Variants in CDH13 observed in about 807,000 individuals in gnomAD.
CDH13 encodes cadherin-13.
Under a neutral mutation model 63.8 loss-of-function variants are expected in CDH13, and 24 were observed. The observed-to-expected ratio is 0.38, with a 90% confidence interval of 0.27 to 0.53. The LOEUF (loss-of-function observed/expected upper bound fraction) is 0.53, where lower values mean the gene tolerates loss of function less well. Among genes scored for constraint, CDH13 ranks in the 20% least tolerant of loss-of-function variants. The probability of loss-of-function intolerance (pLI) is 0.85; values close to 1 mark genes in which losing one functional copy is unlikely to be tolerated. For missense variants in CDH13, 1,049 were observed against 903.1 expected, an observed-to-expected ratio of 1.16 and a Z score of -2.07; for synonymous variants, 503 against 355.3, an observed-to-expected ratio of 1.42 and a Z score of -4.67.
intron 6 of CDH13, among the ~76,000 whole-genome samples, chr16:83,458,797 G>A (rs540595404): frequency 1.3e-4 from 20 of 152,226 alleles, no homozygotes; most frequent in African/African-American, 4.6e-4. Flanking sequence ...TCTGCTGATC[G>A]TGGGCCACAG....
intron 5 of CDH13, among the ~76,000 whole-genome samples, chr16:83,300,658 C>G (rs919872516): frequency 6.6e-6 from 1 of 152,168 alleles, no homozygotes; most frequent in Admixed American, 6.5e-5. Context: ...AGTATCTTGT[C>G]AAGATGAGAC....
chr16:83,367,165 C>T (rs965785797), intron 6 of CDH13, among the ~76,000 whole-genome samples: 10 of 152,148 alleles, frequency 6.6e-5, no homozygotes, highest in African/African-American at 2.4e-4. Flanking sequence ...ACCAATGATC[C>T]ACTTTCTACC....
intron 6 of CDH13, among the ~76,000 whole-genome samples, chr16:83,468,551 A>G (rs1009755104): frequency 3.9e-5 from 6 of 152,192 alleles, no homozygotes; most frequent in Non-Finnish European, 8.8e-5. Flanking sequence ...AGGGTGAGCC[A>G]TTTGCATTAG....
At chr16:83,533,618 CTTTTTTTTT>C in intron 7 of CDH13, among the ~76,000 whole-genome samples, 1 of 116,090 alleles carries the variant, frequency 8.6e-6, no homozygotes, top group African/African-American at 3.5e-5. Flanking sequence ...TTTACATTAT[CTTTTTTTTT>C]TTTTTTTTTT....
chr16:82,747,074 A>T (rs1597462825), intron 1 of CDH13, among the ~76,000 whole-genome samples: 1 of 152,372 alleles, frequency 6.6e-6, no homozygotes, highest in South Asian at 2.1e-4. Context: ...ACAAACAAGT[A>T]GAAAATATGC....
At chr16:83,444,451 A>T (rs2072604808) in intron 6 of CDH13, among the ~76,000 whole-genome samples, 1 of 152,218 alleles carries the variant, frequency 6.6e-6, no homozygotes. Flanking sequence ...ATTTTGCTAT[A>T]CATTAGAATC....
chr16:83,072,102 C>G (rs1403852597), intron 3 of CDH13, among the ~76,000 whole-genome samples: 1 of 152,050 alleles, frequency 6.6e-6, no homozygotes, highest in Non-Finnish European at 1.5e-5. Context: ...AACATTTAGT[C>G]AAGTCGAAAA....
chr16:82,744,063 G>A (rs2034053126), intron 1 of CDH13, among the ~76,000 whole-genome samples: 1 of 152,144 alleles, frequency 6.6e-6, no homozygotes, highest in South Asian at 2.1e-4. Context: ...TCTTAATGGA[G>A]AGATTAAAGA....
intron 4 of CDH13, among the ~76,000 whole-genome samples, chr16:83,191,082 C>G (rs1414842556): frequency 6.6e-6 from 1 of 151,288 alleles, no homozygotes; most frequent in Non-Finnish European, 1.5e-5. Context: ...GAAAGGCTTA[C>G]ATATTACTTG....
At chr16:82,858,307 A>T (rs937832204) in intron 1 of CDH13, 55 bp from the exon 2 acceptor site, 2 of 1,203,490 alleles carry the variant, frequency 1.7e-6, no homozygotes, top group African/African-American at 3.0e-5. Context: ...GGCGAAAGTT[A>T]GCAGGGCAAA....
intron 8 of CDH13, among the ~76,000 whole-genome samples, chr16:83,658,575 C>G (rs1348623914): frequency 3.4e-5 from 5 of 146,936 alleles, no homozygotes; most frequent in Non-Finnish European, 3.0e-5. Context: ...GGTCCCATGT[C>G]CTCACCAGCA....
At chr16:82,642,820 C>G (rs1296768303) in intron 1 of CDH13, among the ~76,000 whole-genome samples, 2 of 152,174 alleles carry the variant, frequency 1.3e-5, no homozygotes, top group African/African-American at 2.4e-5. Flanking sequence ...CATAGTGACT[C>G]TATAAAATAT....
At chr16:83,691,152 C>G (rs1904839403) in intron 10 of CDH13, among the ~76,000 whole-genome samples, 1 of 151,144 alleles carries the variant, frequency 6.6e-6, no homozygotes, top group South Asian at 2.1e-4. Context: ...AAGATTGACT[C>G]CAAGATTTTT....
intron 3 of CDH13, among the ~76,000 whole-genome samples, chr16:83,123,431 C>A (rs1567852482): frequency 6.6e-6 from 1 of 152,036 alleles, no homozygotes; most frequent in Admixed American, 6.6e-5. Flanking sequence ...AGGCATGCAC[C>A]ACCATGCCCG....
intron 1 of CDH13, among the ~76,000 whole-genome samples, chr16:82,815,900 A>G (rs1380406542): frequency 6.6e-6 from 1 of 152,212 alleles, no homozygotes; most frequent in Non-Finnish European, 1.5e-5. Flanking sequence ...GGGGAAACGG[A>G]AAATGTCATT....
At chr16:83,410,401 G>C (rs964932814) in intron 6 of CDH13, among the ~76,000 whole-genome samples, 1 of 152,058 alleles carries the variant, frequency 6.6e-6, no homozygotes, top group Non-Finnish European at 1.5e-5. Flanking sequence ...AGAAAATAAA[G>C]CAAATATGAA....
intron 1 of CDH13, among the ~76,000 whole-genome samples, chr16:82,780,052 G>A (rs1021104375): frequency 4.6e-5 from 7 of 152,040 alleles, no homozygotes; most frequent in African/African-American, 1.2e-4. Context: ...AGGTGATTTC[G>A]CCAAACAAAA....
chr16:83,077,158 CTTTCT>C (rs201356530), intron 3 of CDH13, among the ~76,000 whole-genome samples: 1,428 of 96,180 alleles, frequency 0.015, 15 homozygotes, highest in African/African-American at 0.022. Context: ...TTTTCTTTTT[CTTTCT>C]TTTCTTTTCT....
chr16:83,294,920 C>T (rs1162562833), intron 5 of CDH13, among the ~76,000 whole-genome samples: 1 of 151,950 alleles, frequency 6.6e-6, no homozygotes, highest in African/African-American at 2.4e-5. Context: ...CATGGATAGC[C>T]AAAGTAATCT....
Sources: gnomAD v4.1 joint callset for allele counts (sites outside exome capture counted in the v4.1 genomes callset) on GRCh38, gnomAD v4.1.1 for gene constraint, MANE v1.5 for transcripts, NCBI Gene and HGNC (gene_info 2026-07-23, HGNC 2026-07-21) for gene names.